The following FAM227B variants were observed in gnomAD, a reference collection of about 807,000 sequenced individuals.
The protein encoded by FAM227B is family with sequence similarity 227 member B.
FAM227B carries 88 observed loss-of-function variants against 73.8 expected under a neutral mutation model. The observed-to-expected ratio is 1.19, with a 90% CI of 1.00 to 1.42. The LOEUF is 1.42. Ranked by LOEUF, FAM227B falls within the 40% of genes most tolerant of loss-of-function variation. The probability of loss-of-function intolerance (pLI) is 0.00; values close to 1 mark genes in which losing one functional copy is unlikely to be tolerated. For synonymous variants in FAM227B, 210 were observed against 190.5 expected (o/e 1.10, Z -0.84); for missense variants, 632 against 590.9 (o/e 1.07, Z -0.72).
intron 10 of FAM227B, among the ~76,000 whole-genome samples, chr15:49,508,764 G>A (rs1056368069): frequency 2.4e-4 from 37 of 152,104 alleles, no homozygotes; most frequent in African/African-American, 8.5e-4. Context: ...AATGTTTTTA[G>A]ATACAGTTAT....
intron 11 of FAM227B, among the ~76,000 whole-genome samples, chr15:49,442,827 C>T (rs1240216258): frequency 5.3e-5 from 8 of 151,712 alleles, no homozygotes; most frequent in Middle Eastern, 3.2e-3. Context: ...TGCTTCCACA[C>T]GACACCTATA....
intron 1 of FAM227B, among the ~76,000 whole-genome samples, chr15:49,616,241 T>G (rs2078280636): frequency 6.6e-6 from 1 of 152,054 alleles, no homozygotes; most frequent in Admixed American, 6.6e-5. Context: ...ACTAAAAGAG[T>G]GGGGCTCTAA....
At chr15:49,360,461 T>G (rs1024036952) in intron 13 of FAM227B, among the ~76,000 whole-genome samples, 4 of 152,190 alleles carry the variant, frequency 2.6e-5, no homozygotes, top group African/African-American at 4.8e-5. Context: ...GAGTTTTCAA[T>G]TTTTTAAATA....
intron 9 of FAM227B, among the ~76,000 whole-genome samples, chr15:49,551,088 C>G (rs986451484): frequency 1.3e-5 from 2 of 152,214 alleles, no homozygotes; most frequent in Non-Finnish European, 2.9e-5. Flanking sequence ...GAGACCAGCC[C>G]AGCCAACACA....
At chr15:49,399,765 T>C (rs2047990173) in intron 11 of FAM227B, among the ~76,000 whole-genome samples, 1 of 115,982 alleles carries the variant, frequency 8.6e-6, no homozygotes, top group African/African-American at 2.8e-5. Flanking sequence ...ATTATCTCAA[T>C]AGATGCAGAA....
intron 11 of FAM227B, among the ~76,000 whole-genome samples, chr15:49,384,891 A>T (rs1486664721): frequency 6.6e-6 from 1 of 151,998 alleles, no homozygotes; most frequent in Non-Finnish European, 1.5e-5. Flanking sequence ...TTATTGGAAC[A>T]ATATTTTATA....
chr15:49,399,324 C>A (rs912586941), intron 11 of FAM227B, among the ~76,000 whole-genome samples: 2 of 146,078 alleles, frequency 1.4e-5, no homozygotes, highest in Non-Finnish European at 3.0e-5. Context: ...CTGAATAGAC[C>A]AATAACAGGA....
In FAM227B at chr15:49,589,542, TACACACACACACACACACACACACAC is replaced by T. The variant is rs35391819; in HGVS notation, c.337+208_337+233del. On this transcript the variant is annotated intron_variant, in intron 4 of 15. Coordinates refer to ENST00000299338, the MANE Select transcript of FAM227B (RefSeq NM_152647.3). ...CTTAGAATTTCATTCTTTATGAGAT[TACACACACACACACACACACACACAC>T]ACACACACACACACACACACAGACA... 2.1e-5 allele frequency among the ~76,000 whole-genome samples: 3 copies of T among 139,822 alleles called. No individual in the cohort carries two copies. The East Asian group carries it at 6.3e-4, about 29-fold the overall frequency. 91.7% of individuals were successfully genotyped at this position (139,822 alleles called of 152,430 possible). A position where few individuals can be genotyped will look rare whatever the true frequency, so the allele number is the denominator to read the frequency against.
At chr15:49,610,419 G>GAA (rs1567700132) in intron 3 of FAM227B, among the ~76,000 whole-genome samples, 3 of 33,964 alleles carry the variant, frequency 8.8e-5, no homozygotes, top group South Asian at 7.7e-4. Flanking sequence ...AACATTGAAA[G>GAA]TAAAAAAAAA....
intron 3 of FAM227B, among the ~76,000 whole-genome samples, chr15:49,598,321 A>G (rs1378856689): frequency 6.6e-6 from 1 of 152,044 alleles, no homozygotes; most frequent in African/African-American, 2.4e-5. Context: ...CATGTTGTGC[A>G]AATTTACTGA....
intron 3 of FAM227B, among the ~76,000 whole-genome samples, chr15:49,590,392 C>A (rs1353344904): frequency 6.6e-6 from 1 of 152,096 alleles, no homozygotes; most frequent in Non-Finnish European, 1.5e-5. Context: ...CCCTTTATAG[C>A]AAAAGAATCT....
chr15:49,392,763 A>T (rs1221125072), intron 11 of FAM227B, among the ~76,000 whole-genome samples: 1 of 152,222 alleles, frequency 6.6e-6, no homozygotes, highest in East Asian at 1.9e-4. Context: ...TTAATGAATG[A>T]CATGAGTGAT....
At chr15:49,550,801 A>C (rs1202287364) in intron 9 of FAM227B, among the ~76,000 whole-genome samples, 1 of 142,400 alleles carries the variant, frequency 7.0e-6, no homozygotes, top group Non-Finnish European at 1.5e-5. Flanking sequence ...TTCCAGACTG[A>C]GCAGCCAGGC....
chr15:49,351,824 TC>T (rs1219972570), intron 13 of FAM227B, among the ~76,000 whole-genome samples: 3 of 152,196 alleles, frequency 2.0e-5, no homozygotes, highest in African/African-American at 7.2e-5. Flanking sequence ...AGGAGCCAGA[TC>T]TTTGTACATC....
rs533786216 is a variant in FAM227B, at chr15:49,566,636, T to A, written c.747+1609A>T. Among the ~76,000 whole-genome samples, 9 of 152,268 alleles carry A rather than the reference T, an allele frequency of 5.9e-5. No individual in the cohort carries two copies. The South Asian group carries it at 1.9e-3, about 32-fold the overall frequency. ...GTAATAAAACCCTCACTTATTTGAA[T>A]TAGTTAAAAATAATTGAAATTATGG... On this transcript the variant is annotated intron_variant, in intron 9 of 15. Coordinates refer to ENST00000299338, the MANE Select transcript of FAM227B (RefSeq NM_152647.3).
intron 3 of FAM227B, among the ~76,000 whole-genome samples, chr15:49,591,386 C>CTCCCTCCCTCCTTCCT (rs2076558418): frequency 1.4e-5 from 1 of 69,356 alleles, no homozygotes; most frequent in African/African-American, 4.8e-5. Context: ...CCTCCCTTCC[C>CTCCCTCCCTCCTTCCT]TCCCTCCCTC....
chr15:49,416,945 A>G (rs562137517), intron 11 of FAM227B, among the ~76,000 whole-genome samples: 3 of 152,346 alleles, frequency 2.0e-5, no homozygotes, highest in South Asian at 4.1e-4. Flanking sequence ...AATCAAGATC[A>G]TTAAAATGGC....
At chr15:49,420,184 T>C (rs1298135219) in intron 11 of FAM227B, among the ~76,000 whole-genome samples, 1 of 152,212 alleles carries the variant, frequency 6.6e-6, no homozygotes, top group Non-Finnish European at 1.5e-5. Context: ...ATTGATCCTA[T>C]AGATTTATTT....
chr15:49,445,358 G>GA (rs2052095027), intron 11 of FAM227B, among the ~76,000 whole-genome samples: 1 of 151,538 alleles, frequency 6.6e-6, no homozygotes, highest in Non-Finnish European at 1.5e-5. Context: ...ACTTATAAGT[G>GA]AAAACATGCA....
Sources: allele counts gnomAD v4.1 joint callset (sites outside exome capture counted in the v4.1 genomes callset), GRCh38; gene constraint gnomAD v4.1.1; transcripts MANE v1.5; gene names NCBI Gene and HGNC (gene_info 2026-07-23, HGNC 2026-07-21).